Variants in REPS2 observed in about 807,000 individuals in gnomAD.
The protein encoded by REPS2 is ralBP1-associated Eps domain-containing protein 2.
A neutral mutation model predicts 53.6 loss-of-function variants in REPS2; 23 were observed. The ratio of observed to expected loss-of-function variants is 0.43; its 90% confidence interval spans 0.31 to 0.61. The LOEUF (loss-of-function observed/expected upper bound fraction) is 0.61. Ranked by LOEUF, REPS2 falls within the 20% of genes least tolerant of loss-of-function variation. REPS2 has a pLI of 0.11. For missense variants in REPS2, 446 were observed against 534.9 expected (o/e 0.83, Z 1.64); for synonymous variants, 238 against 218.6 (o/e 1.09, Z -0.78).
In REPS2 at chrX:17,150,729, A is replaced by G. The variant is rs1371356471; in HGVS notation, c.*3248A>G. ...TTTGCAGTTTGCATGTGGGGAAACC[A>G]AAGCCCTAAGAAACAACAGTTCCTG... On this transcript the variant is annotated 3_prime_UTR_variant, in exon 18 of 18. Transcript: ENST00000357277. 1 of 111,847 alleles carries G rather than the reference A, an allele frequency of 8.9e-6. No homozygotes were observed. Among genetic ancestry groups the G allele is most frequent in the Admixed American group, 9.5e-5 (1 of 10,526 alleles). 9.2% of individuals were successfully genotyped at this position (111,847 alleles called of 1,213,427 possible).
intron 13 of REPS2, among the ~76,000 whole-genome samples, chrX:17,079,004 C>T (rs1398855914): frequency 8.9e-6 from 1 of 112,102 alleles, no homozygotes; most frequent in East Asian, 2.8e-4. Flanking sequence ...ATCCAAAATA[C>T]TTGGGGTCAC....
At chrX:16,993,940 A>G (rs1428681525) in intron 1 of REPS2, among the ~76,000 whole-genome samples, 1 of 112,801 alleles carries the variant, frequency 8.9e-6, no homozygotes, top group Non-Finnish European at 1.9e-5. Context: ...TTTCTTTAGG[A>G]AGACCAGGGA....
intron 1 of REPS2, among the ~76,000 whole-genome samples, chrX:16,974,144 C>A (rs1313971397): frequency 9.0e-6 from 1 of 111,230 alleles, no homozygotes; most frequent in African/African-American, 3.3e-5. Context: ...AGTCTGTATT[C>A]CAGTTTCATT....
the REPS2 span, among the ~76,000 whole-genome samples, chrX:17,186,497 G>A: frequency 2.7e-5 from 3 of 111,889 alleles, no homozygotes; most frequent in Non-Finnish European, 5.6e-5. Context: ...ACTAATTGGT[G>A]GTCAAGCCAA....
intron 16 of REPS2, chrX:17,135,750 G>T (rs2063358051): frequency 5.4e-6 from 1 of 186,632 alleles, no homozygotes. Context: ...TGGCAATTTT[G>T]CCTCTCTGCC....
At chrX:17,192,402 CTCTCAT>C in the REPS2 span, among the ~76,000 whole-genome samples, 1 of 112,068 alleles carries the variant, frequency 8.9e-6, no homozygotes, top group South Asian at 3.7e-4. Flanking sequence ...CAGTGCCAAT[CTCTCAT>C]TTGGTTTCCC....
chrX:17,017,710 A>G (rs2061516676), intron 2 of REPS2, among the ~76,000 whole-genome samples: 1 of 112,163 alleles, frequency 8.9e-6, no homozygotes, highest in Admixed American at 9.5e-5. Context: ...AATAAAATAC[A>G]GTAAAATACA....
intron 13 of REPS2, among the ~76,000 whole-genome samples, chrX:17,098,724 C>T (rs2062741945): frequency 9.0e-6 from 1 of 111,174 alleles, no homozygotes; most frequent in Admixed American, 9.6e-5. Context: ...TTCAGTGAAA[C>T]TTGTGCTGTC....
chrX:17,016,677 G>A (rs372596654), intron 2 of REPS2, among the ~76,000 whole-genome samples: 1 of 110,934 alleles, frequency 9.0e-6, no homozygotes, highest in Non-Finnish European at 1.9e-5. Context: ...CCAAAGTGCT[G>A]GGATTACAGG....
At chrX:17,054,743 G>T (rs2062044459) in intron 7 of REPS2, 65 bp from the exon 8 acceptor site, 1 of 1,140,675 alleles carries the variant, frequency 8.8e-7, no homozygotes, top group South Asian at 1.9e-5. Context: ...TTATTGGCAC[G>T]TTTGGGCCAA....
chrX:17,031,804 G>A (rs1318638422), intron 5 of REPS2, among the ~76,000 whole-genome samples: 1 of 111,878 alleles, frequency 8.9e-6, no homozygotes, highest in Non-Finnish European at 1.9e-5. Context: ...GGAGGGAACC[G>A]CATATACAAA....
chrX:16,968,148 C>G (rs372464834), intron 1 of REPS2, among the ~76,000 whole-genome samples: 1 of 110,084 alleles, frequency 9.1e-6, no homozygotes, highest in African/African-American at 3.3e-5. Flanking sequence ...CAGAGAGCAC[C>G]GGGTTGGGGG....
intron 5 of REPS2, among the ~76,000 whole-genome samples, chrX:17,037,309 T>C (rs1299786849): frequency 1.8e-5 from 2 of 111,338 alleles, no homozygotes; most frequent in Non-Finnish European, 3.8e-5. Context: ...TTTTCATTGA[T>C]TGATTGATTG....
intron 5 of REPS2, among the ~76,000 whole-genome samples, chrX:17,034,062 G>T (rs902359092): frequency 1.8e-5 from 2 of 111,508 alleles, no homozygotes; most frequent in African/African-American, 6.5e-5. Flanking sequence ...TTGTATATGC[G>T]ATGTTTCCTT....
At chrX:17,106,471 T>G (rs2062874693) in intron 14 of REPS2, among the ~76,000 whole-genome samples, 1 of 107,503 alleles carries the variant, frequency 9.3e-6, no homozygotes, top group Non-Finnish European at 1.9e-5. Flanking sequence ...TGGAGTGCAG[T>G]GGGGTGATCT....
At chrX:17,146,441 A>G (rs931900390) in intron 17 of REPS2, among the ~76,000 whole-genome samples, 3 of 109,996 alleles carry the variant, frequency 2.7e-5, no homozygotes, top group African/African-American at 1.0e-4. Context: ...TTCCCAGGGC[A>G]CTCTCTCTCC....
intron 1 of REPS2, among the ~76,000 whole-genome samples, chrX:16,957,335 G>A (rs768818512): frequency 9.1e-6 from 1 of 110,312 alleles, no homozygotes; most frequent in Admixed American, 9.7e-5. Context: ...GCTTGAATCC[G>A]GGAGGTAGAG....
At chrX:17,047,618 G>A in intron 6 of REPS2, 136 bp downstream of exon 6, 1 of 793,092 alleles carries the variant, frequency 1.3e-6, no homozygotes, top group Non-Finnish European at 1.8e-6. Flanking sequence ...TTTCTTATCA[G>A]ATGTAAACCA....
Position 17,149,223 on chromosome X carries a change from A to T in REPS2, c.*1742A>T. 4.6e-6 allele frequency: 1 copy of T among 217,149 alleles called. No homozygotes were observed. Among genetic ancestry groups the T allele is most frequent in the South Asian group, 5.6e-5 (1 of 17,853 alleles). 17.9% of individuals were successfully genotyped at this position (217,149 alleles called of 1,213,427 possible). On this transcript the variant is annotated 3_prime_UTR_variant, in exon 18 of 18. Coordinates refer to ENST00000357277, the MANE Select transcript of REPS2 (RefSeq NM_004726.3). ...GGAGTAAGTTTAAACTCTTCCGAAG[A>T]TTATGAATGGGTCAGCACAAATTTT...
Sources: gnomAD v4.1 joint callset for allele counts (sites outside exome capture counted in the v4.1 genomes callset) on GRCh38, gnomAD v4.1.1 for gene constraint, MANE v1.5 for transcripts, NCBI Gene and HGNC (gene_info 2026-07-23, HGNC 2026-07-21) for gene names.